Variants in CADM2 observed in about 807,000 individuals in gnomAD.
CADM2 encodes the protein cell adhesion molecule 2, also known as immunoglobulin superfamily member 4D.
In CADM2, 12 loss-of-function variants were observed where a neutral mutation model predicts 49.8. That is an observed-to-expected ratio of 0.24 (90% confidence interval 0.15 to 0.39). The LOEUF (loss-of-function observed/expected upper bound fraction) is 0.39. Ranked by LOEUF, CADM2 falls within the 10% of genes least tolerant of loss-of-function variation. CADM2 has a pLI of 1.00. For synonymous variants in CADM2, 214 were observed against 175.4 expected (o/e 1.22, Z -1.74); for missense variants, 378 against 492.3 (o/e 0.77, Z 2.20).
intron 1 of CADM2, among the ~76,000 whole-genome samples, chr3:85,567,077 C>G (rs761214470): frequency 1.3e-5 from 2 of 152,194 alleles, no homozygotes; most frequent in Non-Finnish European, 2.9e-5. Context: ...TCATATTCCT[C>G]CTCTGAGCTT....
At chr3:85,932,078 A>G (rs1254851094) in intron 6 of CADM2, among the ~76,000 whole-genome samples, 1 of 151,556 alleles carries the variant, frequency 6.6e-6, no homozygotes, top group African/African-American at 2.4e-5. Context: ...AAAGGAGACC[A>G]TTTACTATTT....
intron 1 of CADM2, among the ~76,000 whole-genome samples, chr3:85,651,551 A>C (rs2065042056): frequency 6.6e-6 from 1 of 152,212 alleles, no homozygotes. Context: ...AGACTCAAAG[A>C]AACAGATATA....
chr3:85,116,838 C>A (rs1163394229), intron 1 of CADM2, among the ~76,000 whole-genome samples: 2 of 151,778 alleles, frequency 1.3e-5, no homozygotes, highest in African/African-American at 4.8e-5. Context: ...CATGTTCTTA[C>A]CTTAGGACAT....
At chr3:85,537,122 A>G (rs2061436769) in intron 1 of CADM2, among the ~76,000 whole-genome samples, 2 of 152,098 alleles carry the variant, frequency 1.3e-5, no homozygotes, top group Admixed American at 6.6e-5. Flanking sequence ...ATTTAACACA[A>G]TAATTGTGTG....
intron 1 of CADM2, among the ~76,000 whole-genome samples, chr3:85,124,128 A>T (rs2038952707): frequency 6.6e-6 from 1 of 152,162 alleles, no homozygotes; most frequent in Non-Finnish European, 1.5e-5. Flanking sequence ...CTACTTTCCC[A>T]TAGGGACTGG....
chr3:85,317,306 C>T (rs1425145941), intron 1 of CADM2, among the ~76,000 whole-genome samples: 1 of 152,022 alleles, frequency 6.6e-6, no homozygotes, highest in African/African-American at 2.4e-5. Flanking sequence ...GATGAACTCC[C>T]TAGGGACCTG....
chr3:85,431,051 G>C (rs1425598886), intron 1 of CADM2, among the ~76,000 whole-genome samples: 2 of 152,118 alleles, frequency 1.3e-5, no homozygotes, highest in Admixed American at 6.6e-5. Context: ...GGTCTCATAA[G>C]ATTATAATAT....
intron 1 of CADM2, among the ~76,000 whole-genome samples, chr3:85,205,225 A>G (rs2041604201): frequency 6.6e-6 from 1 of 152,002 alleles, no homozygotes; most frequent in African/African-American, 2.4e-5. Context: ...GTCTCACTAT[A>G]TTTCTCAGGC....
At chr3:85,683,868 T>C (rs1389704357) in intron 1 of CADM2, among the ~76,000 whole-genome samples, 1 of 152,138 alleles carries the variant, frequency 6.6e-6, no homozygotes, top group Non-Finnish European at 1.5e-5. Context: ...GGAGGATAAG[T>C]CTTTTGAACA....
At chr3:85,645,687 C>G (rs1487833286) in intron 1 of CADM2, among the ~76,000 whole-genome samples, 68 of 151,612 alleles carry the variant, frequency 4.5e-4, no homozygotes. Flanking sequence ...TTGAAATGAA[C>G]TTTTTTAAAA....
chr3:85,078,165 G>A (rs1409520475), intron 1 of CADM2, among the ~76,000 whole-genome samples: 1 of 151,900 alleles, frequency 6.6e-6, no homozygotes, highest in African/African-American at 2.4e-5. Flanking sequence ...TAAACTCTAA[G>A]AATTTTTGCA....
chr3:85,024,567 C>G (rs950144379), intron 1 of CADM2, among the ~76,000 whole-genome samples: 106 of 152,008 alleles, frequency 7.0e-4, no homozygotes, highest in African/African-American at 2.4e-3. Flanking sequence ...TATCTTTATC[C>G]ACGTAACAAA....
At chr3:85,114,716 C>T (rs145204210) in intron 1 of CADM2, among the ~76,000 whole-genome samples, 20 of 152,218 alleles carry the variant, frequency 1.3e-4, no homozygotes, top group Non-Finnish European at 2.4e-4. Context: ...AACTGTGTGA[C>T]CTTGGGCAAA....
At chr3:85,230,940 C>T (rs2042272849) in intron 1 of CADM2, among the ~76,000 whole-genome samples, 1 of 151,862 alleles carries the variant, frequency 6.6e-6, no homozygotes, top group Non-Finnish European at 1.5e-5. Context: ...CATTTATTTT[C>T]TCACAGTTTT....
At chr3:85,639,817 A>G (rs1386378639) in intron 1 of CADM2, among the ~76,000 whole-genome samples, 1 of 152,156 alleles carries the variant, frequency 6.6e-6, no homozygotes, top group Non-Finnish European at 1.5e-5. Context: ...AAAGGACCAT[A>G]GTATCTTCAA....
intron 1 of CADM2, among the ~76,000 whole-genome samples, chr3:85,649,073 A>G (rs1253917843): frequency 2.6e-5 from 4 of 152,132 alleles, no homozygotes; most frequent in African/African-American, 7.2e-5. Flanking sequence ...ATCCTTTTCT[A>G]TGGAAATTGA....
chr3:85,090,798 T>C (rs1251200357), intron 1 of CADM2, among the ~76,000 whole-genome samples: 1 of 152,146 alleles, frequency 6.6e-6, no homozygotes, highest in African/African-American at 2.4e-5. Flanking sequence ...ATGCGAGGGC[T>C]CTAGGTTGTC....
intron 3 of CADM2, among the ~76,000 whole-genome samples, chr3:85,803,187 A>C (rs1182630599): frequency 1.3e-5 from 2 of 152,044 alleles, no homozygotes; most frequent in Admixed American, 6.6e-5. Context: ...TGAAATCTTT[A>C]GTTTGTTTTA....
chr3:85,783,042 C>T (rs926607771), intron 2 of CADM2, among the ~76,000 whole-genome samples: 2 of 152,018 alleles, frequency 1.3e-5, no homozygotes, highest in Admixed American at 1.3e-4. Flanking sequence ...AATATTAGTA[C>T]ATAAACAAAA....
Sources: gnomAD v4.1 joint callset for allele counts (sites outside exome capture counted in the v4.1 genomes callset) on GRCh38, gnomAD v4.1.1 for gene constraint, MANE v1.5 for transcripts, NCBI Gene and HGNC (gene_info 2026-07-23, HGNC 2026-07-21) for gene names.